Variants in IL17F observed in about 807,000 individuals in gnomAD.
IL17F encodes interleukin 17F.
IL17F carries 6 observed loss-of-function variants against 8.3 expected under a neutral mutation model. The ratio of observed to expected loss-of-function variants is 0.73; its 90% CI spans 0.40 to 1.43. IL17F has a LOEUF of 1.43. Ranked by LOEUF, IL17F falls within the 40% of genes most tolerant of loss-of-function variation. IL17F has a pLI of 0.02. For missense variants in IL17F, 204 were observed against 209.6 expected (o/e 0.97, Z 0.17); for synonymous variants, 98 against 81.6 (o/e 1.20, Z -1.08).
At chr6:52,243,437 G>T (rs1006939049) in intron 1 of IL17F, among the ~76,000 whole-genome samples, 1 of 152,178 alleles carries the variant, frequency 6.6e-6, no homozygotes, top group Non-Finnish European at 1.5e-5. Context: ...AGCAATCAGA[G>T]ACATGGGAAA....
At chr6:52,237,842 C>T (rs721430) in intron 2 of IL17F, among the ~76,000 whole-genome samples, 93,606 of 151,850 alleles carry the variant, frequency 0.62, 29,040 homozygotes, top group Middle Eastern at 0.7. Flanking sequence ...AGCAGGCCAC[C>T]GAGAACCCAA....
At chr6:52,243,068 G>T (rs1764099745) in intron 1 of IL17F, among the ~76,000 whole-genome samples, 1 of 152,198 alleles carries the variant, frequency 6.6e-6, no homozygotes, top group African/African-American at 2.4e-5. Flanking sequence ...AGCCAGGTCT[G>T]CCTGACATCA....
At chr6:52,244,970 A>G (rs886620588), upstream of IL17F, among the ~76,000 whole-genome samples, 4 of 152,196 alleles carry the variant, frequency 2.6e-5, no homozygotes, top group Non-Finnish European at 5.9e-5. Context: ...GAAATGAATG[A>G]CATAAGTGAA....
chr6:52,239,511 A>G (rs1031685280), intron 1 of IL17F, among the ~76,000 whole-genome samples: 4 of 152,172 alleles, frequency 2.6e-5, no homozygotes, highest in African/African-American at 9.7e-5. Context: ...CTACCCTTCC[A>G]TTAAGGCCCA....
chr6:52,236,943 G>C lies in IL17F; in HGVS notation c.480C>G (p.His160Gln). 1 of 1,613,302 alleles carries C rather than the reference G, an allele frequency of 6.2e-7. No individual in the cohort carries two copies. Among genetic ancestry groups the C allele is most frequent in the Middle Eastern group, 1.7e-4 (1 of 6,058 alleles). The change falls in exon 3 of 3, where the codon CAC becomes CAG. Residue 160 changes from histidine to glutamine, a missense_variant. Coordinates refer to ENST00000336123, the MANE Select transcript of IL17F (RefSeq NM_052872.4). Reference sequence around the variant, plus strand: ...GGATATGCACCTCTTACTGCACATGGTGGATGACAGGGGTGACGCAGGTGC... The same window carrying C: ...GGATATGCACCTCTTACTGCACATGCTGGATGACAGGGGTGACGCAGGTGC... ...VGCTCVTPVI[H>Q]HVQ
chr6:52,244,839 G>A (rs1242085424), upstream of IL17F, among the ~76,000 whole-genome samples: 4 of 152,154 alleles, frequency 2.6e-5, no homozygotes, highest in African/African-American at 9.7e-5. Context: ...CGGACCATAT[G>A]TTCTACTTTC....
intron 1 of IL17F, among the ~76,000 whole-genome samples, chr6:52,242,765 G>C (rs1381469944): frequency 1.3e-5 from 2 of 152,196 alleles, no homozygotes; most frequent in Non-Finnish European, 2.9e-5. Context: ...GGATTGATCA[G>C]AATTTCCAGG....
At chr6:52,238,169 T>C (rs2128267659) in intron 2 of IL17F, among the ~76,000 whole-genome samples, 1 of 152,324 alleles carries the variant, frequency 6.6e-6, no homozygotes, top group Admixed American at 6.5e-5. Context: ...CAGAAGCACT[T>C]CAATTGTCCC....
At chr6:52,237,797 G>A (rs906864209) in intron 2 of IL17F, among the ~76,000 whole-genome samples, 1 of 152,044 alleles carries the variant, frequency 6.6e-6, no homozygotes, top group African/African-American at 2.4e-5. Flanking sequence ...CCTGAAGGAC[G>A]GGCAGTGAGC....
At chr6:52,244,579 G>T, upstream of IL17F, 2 of 765,262 alleles carry the variant, frequency 2.6e-6, no homozygotes, top group Non-Finnish European at 4.5e-6. Context: ...TTTAAGTTGT[G>T]GTTGACCCGG....
chr6:52,238,536 T>C (rs913057314), intron 2 of IL17F, among the ~76,000 whole-genome samples, 194 bp downstream of exon 2: 2 of 152,230 alleles, frequency 1.3e-5, no homozygotes, highest in African/African-American at 4.8e-5. Context: ...AGCAAAATAT[T>C]AGGACCATCA....
At chr6:52,242,382 G>A (rs566143505) in intron 1 of IL17F, among the ~76,000 whole-genome samples, 1 of 152,146 alleles carries the variant, frequency 6.6e-6, no homozygotes, top group South Asian at 2.1e-4. Flanking sequence ...CCAACCTCTA[G>A]GTCCATGAGA....
Position 52,236,951 on chromosome 6 carries a change from C to T in IL17F, c.472G>A (p.Val158Ile). 6.2e-7 allele frequency: 1 copy of T among 1,613,974 alleles called. No homozygotes were observed. Among genetic ancestry groups the T allele is most frequent in the Non-Finnish European group, 8.5e-7 (1 of 1,179,854 alleles). ...ACCTCTTACTGCACATGGTGGATGACAGGGGTGACGCAGGTGCAGCCAACA... is the reference window on the plus strand; with the variant it reads ...ACCTCTTACTGCACATGGTGGATGATAGGGGTGACGCAGGTGCAGCCAACA... ...VTVGCTCVTP[V>I]IHHVQ Residue 158 changes from valine (V) to isoleucine (I), a missense_variant, in exon 3 of 3, where the codon GTC becomes ATC. Coordinates refer to ENST00000336123, the MANE Select transcript of IL17F (RefSeq NM_052872.4).
At position 52,236,996 on chromosome 6, in the gene IL17F, A is replaced by G. The variant is rs1015495067; in HGVS notation, c.427T>C (p.Leu143=). ...CCAACAGTCACCAGCACCTTCTCCA[A>G]CTGGAAAGAAACAGAGCAGCCTTGG... ...KHQGCSVSFQ[L]EKVLVTVGCT... Residue 143 remains leucine (L), a synonymous_variant, in exon 3 of 3, where the codon TTG becomes CTG. Transcript: ENST00000336123. The G allele has an allele frequency of 5.6e-6, 9 of 1,614,078 alleles. No individual in the cohort carries two copies. Among genetic ancestry groups the G allele is most frequent in the African/African-American group, 2.7e-5 (2 of 74,912 alleles).
chr6:52,236,937 CACAT>C lies in IL17F; in HGVS notation c.482_485del (p.His161ArgfsTer14). ...CTGAGTGGATATGCACCTCTTACTGCACATGGTGGATGACAGGGGTGACGCAGGT... is the reference window on the plus strand; with the variant it reads ...CTGAGTGGATATGCACCTCTTACTGCGGTGGATGACAGGGGTGACGCAGGT... On this transcript the variant is annotated frameshift_variant, in exon 3 of 3. Transcript: ENST00000336123. LOFTEE classifies it high-confidence loss of function. The C allele has an allele frequency of 6.2e-7, 1 of 1,613,254 alleles. No homozygotes were observed. Among genetic ancestry groups the C allele is most frequent in the Non-Finnish European group, 8.5e-7 (1 of 1,179,206 alleles).
intron 2 of IL17F, among the ~76,000 whole-genome samples, chr6:52,238,467 G>T (rs1157954034): frequency 6.6e-6 from 1 of 152,204 alleles, no homozygotes; most frequent in Non-Finnish European, 1.5e-5. Flanking sequence ...GAAAATTTGT[G>T]AATTCTATCC....
At chr6:52,245,012 G>A (rs1218563685), upstream of IL17F, among the ~76,000 whole-genome samples, 1 of 152,158 alleles carries the variant, frequency 6.6e-6, no homozygotes, top group African/African-American at 2.4e-5. Context: ...TGGTAGTTTT[G>A]TTATCTCCCT....
intron 2 of IL17F, among the ~76,000 whole-genome samples, chr6:52,237,431 G>A (rs1254781681): frequency 1.3e-5 from 2 of 152,152 alleles, no homozygotes; most frequent in African/African-American, 2.4e-5. Context: ...AGTGATACAA[G>A]TACATATAAA....
chr6:52,244,506 A>G (rs566055322), upstream of IL17F: 33 of 1,348,350 alleles, frequency 2.4e-5, no homozygotes, highest in African/African-American at 2.1e-4. Context: ...TGTTCTATCA[A>G]TGAGAGTACC....
Sources: gnomAD v4.1 joint callset for allele counts (sites outside exome capture counted in the v4.1 genomes callset) on GRCh38, gnomAD v4.1.1 for gene constraint, MANE v1.5 for transcripts, NCBI Gene and HGNC (gene_info 2026-07-23, HGNC 2026-07-21) for gene names.